HECTD4: variants seen among roughly 807,000 people sequenced by gnomAD.
HECTD4 encodes the protein probable E3 ubiquitin-protein ligase HECTD4.
HECTD4 carries 114 observed loss-of-function variants against 471.5 expected under a neutral mutation model. The ratio of observed to expected loss-of-function variants is 0.24; its 90% CI spans 0.21 to 0.28. The LOEUF is 0.28. Among genes scored for constraint, HECTD4 ranks in the 10% least tolerant of loss-of-function variants. The probability of loss-of-function intolerance (pLI) is 1.00; values close to 1 mark genes in which losing one functional copy is unlikely to be tolerated. For missense variants in HECTD4, 3,866 were observed against 5,651.5 expected, an observed-to-expected ratio of 0.68 and a Z score of 10.13; for synonymous variants, 2,012 against 2,256.0, an observed-to-expected ratio of 0.89 and a Z score of 3.07.
intron 38 of HECTD4, among the ~76,000 whole-genome samples, chr12:112,232,040 C>T (rs757441644): frequency 2.6e-5 from 4 of 152,154 alleles, no homozygotes; most frequent in Non-Finnish European, 4.4e-5. Flanking sequence ...AGATCTACCT[C>T]ATTGTTTTTC....
Position 112,259,153 on chromosome 12 carries a change from G to C in HECTD4, c.2986C>G (p.Leu996Val). Residue 996 changes from leucine (L) to valine (V), a missense_variant, in exon 19 of 76, where the codon CTG (leucine) becomes GTG (valine). Leu to Val is a conservative substitution (Grantham distance 32, BLOSUM62 1). This residue lies in a region of HECTD4 where 525 missense variants were observed against 672.6 expected (regional missense o/e 0.78). Coordinates refer to ENST00000682272, the MANE Select transcript of HECTD4 (RefSeq NM_001388303.1). ...NLQTLIMADA[L>V]MPQLVQLVLY... is the part of the protein sequence containing the mutation. ...ACCAGCTGCACTAGCTGAGGCATCA[G>C]GGCATCCGCCATGATCAGAGTCTGT... is the stretch of plus-strand genomic sequence containing the variant. 6.2e-7 allele frequency: 1 copy of C among 1,613,742 alleles called. No individual in the cohort carries two copies. Among genetic ancestry groups the C allele is most frequent in the Non-Finnish European group, 8.5e-7 (1 of 1,179,770 alleles).
intron 1 of HECTD4, among the ~76,000 whole-genome samples, chr12:112,375,274 A>G (rs1425121009): frequency 6.6e-6 from 1 of 152,108 alleles, no homozygotes; most frequent in African/African-American, 2.4e-5. Context: ...GATGTACCAC[A>G]TTTGTTTATC....
chr12:112,307,881 G>C (rs1289155083), intron 6 of HECTD4, among the ~76,000 whole-genome samples: 2 of 152,256 alleles, frequency 1.3e-5, no homozygotes, highest in Non-Finnish European at 2.9e-5. Flanking sequence ...AAAGGTTCAA[G>C]TTCTGGTGCC....
At chr12:112,277,018 C>A (rs1459762537) in intron 9 of HECTD4, among the ~76,000 whole-genome samples, 1 of 152,126 alleles carries the variant, frequency 6.6e-6, no homozygotes, top group African/African-American at 2.4e-5. Context: ...CTTTGGGAAA[C>A]AGTTTAGCAG....
chr12:112,367,842 A>AAAC (rs2036596649), intron 1 of HECTD4, among the ~76,000 whole-genome samples: 2 of 150,224 alleles, frequency 1.3e-5, no homozygotes, highest in East Asian at 3.9e-4. Context: ...AAAAAAAAAA[A>AAAC]AAAAAACGCT....
Position 112,265,907 on chromosome 12 carries a change from T to G in HECTD4, c.2469A>C (p.Arg823=), listed in dbSNP as rs758517915. The G allele has an allele frequency of 1.9e-6, 3 of 1,613,808 alleles. No individual in the cohort carries two copies. The East Asian group carries it at 6.7e-5, about 36-fold the overall frequency. The change falls in exon 15 of 76, where the codon CGA becomes CGC. Residue 823 remains arginine, a synonymous_variant. Transcript: ENST00000682272. ...TNLAEQLQNN[R]FGSDEDDHYR... is the part of the protein sequence containing the mutation. ...AATGATCATCCTCATCACTGCCAAA[T>G]CGGTTGTTTTGGAGCTGTTCAGCCA... is the stretch of plus-strand genomic sequence containing the variant.
At chr12:112,208,038 A>C in intron 51 of HECTD4, 38 bp from the exon 52 acceptor site, 1 of 1,601,860 alleles carries the variant, frequency 6.2e-7, no homozygotes, top group Non-Finnish European at 8.5e-7. Flanking sequence ...GAGAAGGAAT[A>C]TCTGGTGCAG....
chr12:112,226,419 C>T (rs1250586405), intron 44 of HECTD4: 1 of 411,408 alleles, frequency 2.4e-6, no homozygotes, highest in Non-Finnish European at 4.3e-6. Flanking sequence ...CTGACATGGT[C>T]CTAAAGTTAA....
At chr12:112,349,515 C>T (rs1340752264) in intron 1 of HECTD4, among the ~76,000 whole-genome samples, 2 of 151,156 alleles carry the variant, frequency 1.3e-5, no homozygotes, top group African/African-American at 4.9e-5. Context: ...TATCAAGTTA[C>T]TTTCCAGTGA....
Position 112,200,880 on chromosome 12 carries a change from CGTGCGT to C in HECTD4, c.8407-88_8407-83del, listed in dbSNP as rs763700161. 9.4e-4 allele frequency: 1,098 copies of C among 1,163,204 alleles called. 5 individuals are homozygous for C. Among genetic ancestry groups the C allele is most frequent in the Admixed American group, 6.2e-4 (25 of 40,370 alleles). The allele number at this position is 1,163,204 out of a possible 1,614,324, so 72.1% of individuals were successfully genotyped here. A position where few individuals can be genotyped will look rare whatever the true frequency, so the allele number is the denominator to read the frequency against. ...GCGTGCGTGCGTGTGTGTGTGCGTG[CGTGCGT>C]GTGTGTGTGTGTGTGTGTGTGTGTG... On this transcript the variant is annotated intron_variant, in intron 54 of 75. Transcript: ENST00000682272.
intron 7 of HECTD4, among the ~76,000 whole-genome samples, chr12:112,298,981 A>C (rs1266794637): frequency 6.6e-6 from 1 of 152,072 alleles, no homozygotes; most frequent in Non-Finnish European, 1.5e-5. Flanking sequence ...TGAAAGTACC[A>C]TAGGCAGTAA....
In HECTD4 at chr12:112,231,647, C is replaced by G; in HGVS notation, c.6066G>C (p.Gln2022His). The G allele has an allele frequency of 1.2e-6, 2 of 1,613,852 alleles. No individual in the cohort carries two copies. The highest frequency in any genetic ancestry group is 1.7e-6 in the Non-Finnish European group (2 of 1,179,882). The part of the protein sequence containing the change: ...AALRKATKWA[Q>H]SGLIVSIGPP... ...GCCCAATGCTGACGATGAGGCCTGACTGTGCCCACTTGGTGGCTTTCCGCA... is the reference window on the plus strand; with the variant it reads ...GCCCAATGCTGACGATGAGGCCTGAGTGTGCCCACTTGGTGGCTTTCCGCA... The change falls in exon 39 of 76, where the codon CAG becomes CAC. Residue 2022 changes from glutamine to histidine, a missense_variant. By Grantham distance (24) the Gln-to-His change is conservative. Transcript: ENST00000682272.
At position 112,381,354 on chromosome 12, in the gene HECTD4, T is replaced by G. The variant is rs1195425020; in HGVS notation, c.177+598A>C. Among the ~76,000 whole-genome samples the G allele has an allele frequency of 1.3e-5, 2 of 151,914 alleles. No homozygotes were observed. Among genetic ancestry groups the G allele is most frequent in the Non-Finnish European group, 2.9e-5 (2 of 67,974 alleles). On this transcript the variant is annotated intron_variant, in intron 1 of 75. Transcript: ENST00000682272. The surrounding 1 kb of genome is among the most constrained non-coding windows in gnomAD (Gnocchi z 4.1). ...AGGGCCGCTGGAGCATCCCTCTCGCTGTCCACAGCGCCCGCTTCCCTGACA... is the reference window on the plus strand; with the variant it reads ...AGGGCCGCTGGAGCATCCCTCTCGCGGTCCACAGCGCCCGCTTCCCTGACA...
intron 1 of HECTD4, among the ~76,000 whole-genome samples, chr12:112,360,743 G>A (rs1465537299): frequency 6.6e-6 from 1 of 152,148 alleles, no homozygotes; most frequent in Non-Finnish European, 1.5e-5. Flanking sequence ...CAGCACTTTG[G>A]GAGGCTGAGG....
At chr12:112,201,074 A>C in intron 54 of HECTD4, 1 of 512,582 alleles carries the variant, frequency 2.0e-6, no homozygotes, top group Admixed American at 2.3e-5. Context: ...CAAAATAACA[A>C]ACATCAGAAA....
At chr12:112,283,862 T>C (rs1457413666) in intron 7 of HECTD4, among the ~76,000 whole-genome samples, 1 of 152,186 alleles carries the variant, frequency 6.6e-6, no homozygotes, top group Non-Finnish European at 1.5e-5. Context: ...CACTTGGTTA[T>C]TCCCCAGAAA....
chr12:112,176,998 T>C (rs865821066), intron 64 of HECTD4, among the ~76,000 whole-genome samples: 1 of 152,234 alleles, frequency 6.6e-6, no homozygotes, highest in African/African-American at 2.4e-5. Context: ...TAGCCAGATG[T>C]AGCTACCTAA....
At position 112,319,113 on chromosome 12, in the gene HECTD4, G is replaced by T; in HGVS notation, c.695+112C>A. On this transcript the variant is annotated intron_variant, in intron 2 of 75. Coordinates refer to ENST00000682272, the MANE Select transcript of HECTD4 (RefSeq NM_001388303.1). This position sits in a 1 kb window ranked among gnomAD's most constrained non-coding sequence, Gnocchi z 5.3. ...GAAATTCAATACTGAAAGCAAAGAA[G>T]GACTTCTGAATGTTAAGACTTCTAT... 9.1e-7 allele frequency: 1 copy of T among 1,100,506 alleles called. No homozygotes were observed. The highest frequency in any genetic ancestry group is 1.3e-6 in the Non-Finnish European group (1 of 787,512). The allele number at this position is 1,100,506 out of a possible 1,614,324, so 68.2% of individuals were successfully genotyped here. A position where few individuals can be genotyped will look rare whatever the true frequency, so the allele number is the denominator to read the frequency against.
At chr12:112,219,341 G>T in intron 45 of HECTD4, 45 bp downstream of exon 45, 1 of 1,353,750 alleles carries the variant, frequency 7.4e-7, no homozygotes, top group Non-Finnish European at 1.0e-6. Flanking sequence ...ACTCAGTGAT[G>T]TGTGTGGAGG....
Sources: gnomAD v4.1 joint callset for allele counts (sites outside exome capture counted in the v4.1 genomes callset) on GRCh38, gnomAD v4.1.1 for gene constraint, gnomAD v4.1.1 regional missense constraint, Gnocchi (gnomAD v3.1) non-coding constraint, MANE v1.5 for transcripts, NCBI Gene and HGNC (gene_info 2026-07-23, HGNC 2026-07-21) for gene names.